Variants in SLC22A23 observed in about 807,000 individuals in gnomAD.
The protein encoded by SLC22A23 is solute carrier family 22 member 23, also known as ion transporter protein.
Under a neutral mutation model 61.0 loss-of-function variants are expected in SLC22A23, and 26 were observed. That is an observed-to-expected ratio of 0.43 (90% CI 0.31 to 0.59). The LOEUF (loss-of-function observed/expected upper bound fraction) is 0.59. Among genes scored for constraint, SLC22A23 ranks in the 20% least tolerant of loss-of-function variants. SLC22A23 has a pLI of 0.11. For missense variants in SLC22A23, 796 were observed against 934.7 expected (o/e 0.85, Z 1.94); for synonymous variants, 430 against 413.9 (o/e 1.04, Z -0.47).
intron 3 of SLC22A23, among the ~76,000 whole-genome samples, chr6:3,356,641 C>T (rs1395415613): frequency 1.3e-5 from 2 of 152,126 alleles, no homozygotes; most frequent in Admixed American, 1.3e-4. Flanking sequence ...CTTCCTAAGC[C>T]TGAAGCTTTG....
At chr6:3,412,631 GTCCATGTCCTAA>G (rs1439085020) in intron 2 of SLC22A23, among the ~76,000 whole-genome samples, 1 of 152,170 alleles carries the variant, frequency 6.6e-6, no homozygotes, top group Non-Finnish European at 1.5e-5. Context: ...CCTCAAATCT[GTCCATGTCCTAA>G]TCCTCAGAAC....
chr6:3,403,077 A>G (rs1207230323), intron 3 of SLC22A23, among the ~76,000 whole-genome samples: 8 of 152,184 alleles, frequency 5.3e-5, no homozygotes, highest in Admixed American at 4.6e-4. Flanking sequence ...CTCTCAGCCA[A>G]GAGTCTGTCT....
intron 3 of SLC22A23, among the ~76,000 whole-genome samples, chr6:3,326,324 A>C (rs1763278530): frequency 6.6e-6 from 1 of 152,140 alleles, no homozygotes; most frequent in South Asian, 2.1e-4. Context: ...TTGCTGCCTG[A>C]AGTGTAGCGT....
chr6:3,375,205 T>C (rs1263846393), intron 3 of SLC22A23, among the ~76,000 whole-genome samples: 1 of 152,178 alleles, frequency 6.6e-6, no homozygotes, highest in Non-Finnish European at 1.5e-5. Flanking sequence ...AACAAGCCTA[T>C]GAAAAAAATG....
Position 3,328,445 on chromosome 6 carries a change from C to A in SLC22A23, c.914-4443G>T, listed in dbSNP as rs1182629295. Among the ~76,000 whole-genome samples the A allele has an allele frequency of 6.6e-6, 1 of 151,994 alleles. No individual in the cohort carries two copies. The highest frequency in any genetic ancestry group is 1.5e-5 in the Non-Finnish European group (1 of 68,004). On this transcript the variant is annotated intron_variant, in intron 3 of 9. Coordinates refer to ENST00000406686, the MANE Select transcript of SLC22A23 (RefSeq NM_015482.2). This position sits in a 1 kb window ranked among gnomAD's most constrained non-coding sequence, Gnocchi z 5.0. ...CACTTTATGTGACGGAGGAGGAAGG[C>A]CTGAGGGAGTGGGGTGTGGGGGTTT...
At position 3,440,975 on chromosome 6, in the gene SLC22A23, C is replaced by T. The variant is rs532558499; in HGVS notation, c.654+14931G>A. 2.4e-3 allele frequency among the ~76,000 whole-genome samples: 363 copies of T among 152,312 alleles called. 4 individuals carry two copies. Among genetic ancestry groups the T allele is most frequent in the African/African-American group, 8.4e-3 (351 of 41,570 alleles). On this transcript the variant is annotated intron_variant, in intron 1 of 9. Transcript: ENST00000406686. ...AATTCCTGAGCAGTTGTGTGGGGTC[C>T]GGCATCAGGCAAGCCTGACAGCCTC...
chr6:3,430,961 G>GC (rs2127539895), intron 1 of SLC22A23, among the ~76,000 whole-genome samples: 1 of 152,040 alleles, frequency 6.6e-6, no homozygotes, highest in Non-Finnish European at 1.5e-5. Flanking sequence ...AGCTACTTGG[G>GC]AGGCTGAGGC....
At chr6:3,349,413 A>G (rs1764634089) in intron 3 of SLC22A23, among the ~76,000 whole-genome samples, 2 of 152,148 alleles carry the variant, frequency 1.3e-5, no homozygotes, top group East Asian at 1.9e-4. Flanking sequence ...CCAAATCCCA[A>G]TGCCAACCCC....
chr6:3,353,837 A>G (rs115081031), intron 3 of SLC22A23, among the ~76,000 whole-genome samples: 4,323 of 152,238 alleles, frequency 0.028, 188 homozygotes, highest in African/African-American at 0.097. Context: ...CCCTTCTACC[A>G]CCAGTGTTTC....
chr6:3,339,253 C>T (rs971197524), intron 3 of SLC22A23, among the ~76,000 whole-genome samples: 4 of 152,114 alleles, frequency 2.6e-5, no homozygotes, highest in African/African-American at 9.7e-5. Flanking sequence ...TCTGATAATC[C>T]ACCACCAGGC....
In SLC22A23 at chr6:3,342,455, A is replaced by T. The variant is rs1386265678; in HGVS notation, c.914-18453T>A. Among the ~76,000 whole-genome samples the T allele has an allele frequency of 6.6e-6, 1 of 152,194 alleles. No homozygotes were observed. The highest frequency in any genetic ancestry group is 1.5e-5 in the Non-Finnish European group (1 of 68,042). Reference sequence around the variant, plus strand: ...TCACGGCTCACCTCCTTTGAAACACACACACCTCTTTCTCTCTCCCAGTCT... The same window carrying T: ...TCACGGCTCACCTCCTTTGAAACACTCACACCTCTTTCTCTCTCCCAGTCT... On this transcript the variant is annotated intron_variant, in intron 3 of 9. Transcript: ENST00000406686. This position sits in a 1 kb window ranked among gnomAD's most constrained non-coding sequence, Gnocchi z 4.0.
At chr6:3,448,966 C>A (rs1010095758) in intron 1 of SLC22A23, among the ~76,000 whole-genome samples, 4 of 152,150 alleles carry the variant, frequency 2.6e-5, no homozygotes, top group Non-Finnish European at 4.4e-5. Context: ...GAAAGGGAGA[C>A]CTGTGACCTG....
At position 3,298,139 on chromosome 6, in the gene SLC22A23, G is replaced by T; in HGVS notation, c.1162C>A (p.Gln388Lys). 1 of 1,590,206 alleles carries T rather than the reference G, an allele frequency of 6.3e-7. No individual in the cohort carries two copies. The change falls in exon 5 of 10, where the codon CAG becomes AAG. Residue 388 changes from glutamine to lysine, a missense_variant. By Grantham distance (53) the Gln-to-Lys change is moderately conservative. Transcript: ENST00000406686. ...SAKRLILHFT[Q>K]KNRMNPEGDI... ...CCCTCAGGGTTCATGCGATTCTTCT[G>T]TGTGAAGTGGAGGATCAGCCTCTTT...
intron 4 of SLC22A23, among the ~76,000 whole-genome samples, chr6:3,316,395 T>C (rs1000421655): frequency 1.3e-5 from 2 of 152,216 alleles, no homozygotes; most frequent in Non-Finnish European, 2.9e-5. Context: ...ATTTCTAAAA[T>C]GTGAAGACAC....
At chr6:3,443,388 C>T (rs762375561) in intron 1 of SLC22A23, among the ~76,000 whole-genome samples, 14 of 152,104 alleles carry the variant, frequency 9.2e-5, no homozygotes, top group Middle Eastern at 3.2e-3. Context: ...GACTGTCCAA[C>T]GGCTCCTTCC....
At chr6:3,442,079 T>G (rs1349634901) in intron 1 of SLC22A23, among the ~76,000 whole-genome samples, 1 of 152,210 alleles carries the variant, frequency 6.6e-6, no homozygotes, top group Non-Finnish European at 1.5e-5. Flanking sequence ...AGGCACACAA[T>G]GGCGTATTCC....
At chr6:3,362,591 AG>A (rs1184011847) in intron 3 of SLC22A23, among the ~76,000 whole-genome samples, 2 of 151,986 alleles carry the variant, frequency 1.3e-5, no homozygotes, top group African/African-American at 4.8e-5. Flanking sequence ...AGCACAGCAA[AG>A]CCCCCCATCC....
chr6:3,390,632 G>A lies in SLC22A23; in HGVS notation c.913+19556C>T, dbSNP rs1767603508. Reference sequence around the variant, plus strand: ...ACCTAATGCAGAGATGTACACACTGGGGCCACTATGGTTCTATTTCACTAT... The same window carrying A: ...ACCTAATGCAGAGATGTACACACTGAGGCCACTATGGTTCTATTTCACTAT... On this transcript the variant is annotated intron_variant, in intron 3 of 9. Transcript: ENST00000406686. This position sits in a 1 kb window ranked among gnomAD's most constrained non-coding sequence, Gnocchi z 4.0. Among the ~76,000 whole-genome samples, 1 of 152,108 alleles carries A rather than the reference G, an allele frequency of 6.6e-6. No individual in the cohort carries two copies. The highest frequency in any genetic ancestry group is 1.5e-5 in the Non-Finnish European group (1 of 68,024).
Position 3,322,478 on chromosome 6 carries a change from T to C in SLC22A23, c.1082+1356A>G, listed in dbSNP as rs1185029352. Among the ~76,000 whole-genome samples the C allele has an allele frequency of 6.6e-6, 1 of 152,314 alleles. No individual in the cohort carries two copies. The highest frequency in any genetic ancestry group is 2.4e-5 in the African/African-American group (1 of 41,562). ...GGGCTGTCCTGGAACACGGTTGTGC[T>C]GCGGGAGGGGTTTGGACATCCAACT... is the stretch of plus-strand genomic sequence containing the variant. On this transcript the variant is annotated intron_variant, in intron 4 of 9. Coordinates refer to ENST00000406686, the MANE Select transcript of SLC22A23 (RefSeq NM_015482.2). The surrounding 1 kb of genome is among the most constrained non-coding windows in gnomAD (Gnocchi z 4.1).
Sources: gnomAD v4.1 joint callset for allele counts (sites outside exome capture counted in the v4.1 genomes callset) on GRCh38, gnomAD v4.1.1 for gene constraint, Gnocchi (gnomAD v3.1) non-coding constraint, MANE v1.5 for transcripts, NCBI Gene and HGNC (gene_info 2026-07-23, HGNC 2026-07-21) for gene names.